IDE: variants seen among roughly 807,000 people sequenced by gnomAD.
IDE encodes the protein insulin-degrading enzyme.
Under a neutral mutation model 133.2 loss-of-function variants are expected in IDE, and 58 were observed. The observed-to-expected ratio is 0.44, with a 90% confidence interval of 0.35 to 0.54. IDE has a LOEUF of 0.54. IDE is among the 20% of genes least tolerant of loss of function. The pLI, the probability that IDE is intolerant of heterozygous loss-of-function variation, is 0.00. For synonymous variants in IDE, 396 were observed against 421.3 expected, an observed-to-expected ratio of 0.94 and a Z score of 0.73; for missense variants, 981 against 1,234.0, an observed-to-expected ratio of 0.79 and a Z score of 3.07.
At chr10:92,546,673 G>C (rs1329238346) in intron 1 of IDE, among the ~76,000 whole-genome samples, 1 of 152,178 alleles carries the variant, frequency 6.6e-6, no homozygotes, top group Non-Finnish European at 1.5e-5. Context: ...TGTAAGTACA[G>C]CATCAGTCAA....
At chr10:92,466,608 C>T (rs964881325) in intron 19 of IDE, among the ~76,000 whole-genome samples, 6 of 145,484 alleles carry the variant, frequency 4.1e-5, no homozygotes, top group Middle Eastern at 3.5e-3. Flanking sequence ...TAGGCCACCA[C>T]GCCTGGCCCT....
intron 1 of IDE, among the ~76,000 whole-genome samples, chr10:92,566,580 T>C (rs1384477543): frequency 2.0e-5 from 3 of 151,424 alleles, no homozygotes; most frequent in East Asian, 1.9e-4. Flanking sequence ...TTCATGGAGA[T>C]AGAGAGTAGA....
intron 3 of IDE, among the ~76,000 whole-genome samples, chr10:92,533,526 C>T (rs1850060371): frequency 6.6e-6 from 1 of 151,820 alleles, no homozygotes; most frequent in African/African-American, 2.4e-5. Context: ...ATTATAGATC[C>T]AAAAAGTTGC....
intron 1 of IDE, among the ~76,000 whole-genome samples, chr10:92,560,555 C>T (rs145109649): frequency 1.3e-5 from 2 of 151,280 alleles, no homozygotes; most frequent in Non-Finnish European, 3.0e-5. Context: ...GGCCCTAGCA[C>T]GTGGATCACC....
chr10:92,490,433 G>A lies in IDE; in HGVS notation c.1533+60C>T, dbSNP rs186101426. On this transcript the variant is annotated intron_variant, in intron 12 of 24. Coordinates refer to ENST00000265986, the MANE Select transcript of IDE (RefSeq NM_004969.4). The stretch of plus-strand genomic sequence containing the variant: ...CTGGGGCCTTAGTTGGTGGATCTAG[G>A]GAGCAATGTTCTTGTGATTCCTCAC... 64 of 1,038,072 alleles carry A rather than the reference G, an allele frequency of 6.2e-5. No homozygotes were observed. In the African/African-American group the frequency reaches 7.9e-4, roughly 13 times the overall value. The allele number at this position is 1,038,072 out of a possible 1,614,324, so 64.3% of individuals were successfully genotyped here.
At chr10:92,573,093 T>C (rs543169630) in intron 1 of IDE, 5 of 985,446 alleles carry the variant, frequency 5.1e-6, no homozygotes, top group East Asian at 1.1e-4. Flanking sequence ...GAGGGCAAGA[T>C]AATACTGCCT....
chr10:92,566,388 A>ACC (rs1843547257), intron 1 of IDE, among the ~76,000 whole-genome samples: 1 of 144,878 alleles, frequency 6.9e-6, no homozygotes, highest in Non-Finnish European at 1.5e-5. Context: ...GTCAGACTCT[A>ACC]TCTCTCTCTC....
At position 92,453,461 on chromosome 10, in the gene IDE, C is replaced by T. The variant is rs976985458; in HGVS notation, c.*983G>A. 6.6e-6 allele frequency: 1 copy of T among 152,010 alleles called. No homozygotes were observed. The highest frequency in any genetic ancestry group is 1.5e-5 in the Non-Finnish European group (1 of 67,982). 9.4% of individuals were successfully genotyped at this position (152,010 alleles called of 1,614,324 possible). On this transcript the variant is annotated 3_prime_UTR_variant, in exon 25 of 25. Coordinates refer to ENST00000265986, the MANE Select transcript of IDE (RefSeq NM_004969.4). ...ATGCAAGGCTTTACTTTTTATATTT[C>T]CAAAAAGGTGGCTTTGTATTGGCTG...
At chr10:92,565,406 T>C (rs1843487751) in intron 1 of IDE, among the ~76,000 whole-genome samples, 1 of 66,746 alleles carries the variant, frequency 1.5e-5, no homozygotes, top group Admixed American at 1.6e-4. Flanking sequence ...CGAGACTCCA[T>C]CTCAAAAAAA....
At chr10:92,552,873 AAAAAAT>A (rs1225572563) in intron 1 of IDE, among the ~76,000 whole-genome samples, 1 of 149,408 alleles carries the variant, frequency 6.7e-6, no homozygotes, top group East Asian at 1.9e-4. Flanking sequence ...AAAAAAAAAA[AAAAAAT>A]TATTTTCCAA....
At chr10:92,506,080 T>C (rs1848279598) in intron 10 of IDE, among the ~76,000 whole-genome samples, 1 of 152,180 alleles carries the variant, frequency 6.6e-6, no homozygotes. Flanking sequence ...AAGACTATCA[T>C]GGTAGCCCAA....
At chr10:92,516,026 A>G (rs1293842349) in intron 4 of IDE, among the ~76,000 whole-genome samples, 7 of 151,350 alleles carry the variant, frequency 4.6e-5, no homozygotes, top group Non-Finnish European at 1.5e-5. Context: ...AAAATTAGCC[A>G]GGCGTGGTGG....
At chr10:92,471,098 T>C (rs1214473278) in intron 17 of IDE, among the ~76,000 whole-genome samples, 1 of 152,238 alleles carries the variant, frequency 6.6e-6, no homozygotes, top group Admixed American at 6.5e-5. Context: ...TTTCTTTAAA[T>C]TTGACCCACT....
intron 1 of IDE, among the ~76,000 whole-genome samples, chr10:92,571,104 C>T (rs980808589): frequency 1.3e-5 from 2 of 151,436 alleles, no homozygotes; most frequent in Non-Finnish European, 1.5e-5. Context: ...CTCAGCCTCC[C>T]GGGTTCAAGC....
chr10:92,499,919 A>T (rs114126765), intron 11 of IDE, among the ~76,000 whole-genome samples: 1 of 152,342 alleles, frequency 6.6e-6, no homozygotes, highest in East Asian at 1.9e-4. Context: ...ATCATTTTTC[A>T]TATAGATACG....
rs545056334 is a variant in IDE at position 92,486,285 on chromosome 10, A to G, written c.1656+911T>C. Among the ~76,000 whole-genome samples the G allele has an allele frequency of 2.6e-5, 4 of 151,808 alleles. No homozygotes were observed. The South Asian group carries it at 8.3e-4, about 32-fold the overall frequency. On this transcript the variant is annotated intron_variant, in intron 13 of 24. Coordinates refer to ENST00000265986, the MANE Select transcript of IDE (RefSeq NM_004969.4). ...GAATCACTTGAACTTGGGAGGCGGA[A>G]GTTACAGTGAGCCGAGATCATGCCA...
intron 1 of IDE, 89 bp from the exon 2 acceptor site, chr10:92,537,639 T>G: frequency 1.1e-6 from 1 of 922,988 alleles, no homozygotes; most frequent in Non-Finnish European, 1.6e-6. Flanking sequence ...TAATACATCA[T>G]CAGATTTTTC....
intron 13 of IDE, among the ~76,000 whole-genome samples, chr10:92,484,714 C>T (rs531840932): frequency 5.3e-5 from 8 of 150,288 alleles, no homozygotes; most frequent in East Asian, 1.9e-4. Flanking sequence ...GCCTAGGCAA[C>T]GGAGAGAGAC....
At chr10:92,496,924 G>A (rs910599638) in intron 11 of IDE, among the ~76,000 whole-genome samples, 1 of 152,152 alleles carries the variant, frequency 6.6e-6, no homozygotes, top group Non-Finnish European at 1.5e-5. Context: ...CACGAGATGA[G>A]GCAGAAAACT....
Sources: allele counts gnomAD v4.1 joint callset (sites outside exome capture counted in the v4.1 genomes callset), GRCh38; gene constraint gnomAD v4.1.1; transcripts MANE v1.5; gene names NCBI Gene and HGNC (gene_info 2026-07-23, HGNC 2026-07-21).